HSD17B11: variants seen among roughly 807,000 people sequenced by gnomAD.
HSD17B11 encodes estradiol 17-beta-dehydrogenase 11.
Under a neutral mutation model 27.8 loss-of-function variants are expected in HSD17B11, and 22 were observed. That is an observed-to-expected ratio of 0.79 (90% CI 0.56 to 1.13). The LOEUF (loss-of-function observed/expected upper bound fraction) is 1.13, where lower values mean the gene tolerates loss of function less well. HSD17B11 is among the 50% of genes most tolerant of loss of function. The pLI, the probability that HSD17B11 is intolerant of heterozygous loss-of-function variation, is 0.00. For synonymous variants in HSD17B11, 117 were observed against 132.8 expected (o/e 0.88, Z 0.82); for missense variants, 314 against 351.1 (o/e 0.89, Z 0.84).
intron 1 of HSD17B11, 139 bp from the exon 2 acceptor site, chr4:87,382,501 T>G: frequency 1.8e-6 from 1 of 548,696 alleles, no homozygotes; most frequent in Non-Finnish European, 3.2e-6. Context: ...AACAACACAT[T>G]TTTGGCAGGT....
At chr4:87,340,460 C>T in intron 6 of HSD17B11, 30 bp downstream of exon 6, 1 of 1,377,754 alleles carries the variant, frequency 7.3e-7, no homozygotes, top group South Asian at 1.3e-5. Context: ...TTTTACCTTT[C>T]ATTTCTAAGG....
At chr4:87,375,180 T>C (rs561369116) in intron 2 of HSD17B11, among the ~76,000 whole-genome samples, 162 of 152,364 alleles carry the variant, frequency 1.1e-3, no homozygotes, top group Non-Finnish European at 2.0e-3. Context: ...ATTACAGGCA[T>C]GAGTCACTGT....
At chr4:87,344,875 A>C (rs1735240303) in intron 5 of HSD17B11, among the ~76,000 whole-genome samples, 1 of 152,234 alleles carries the variant, frequency 6.6e-6, no homozygotes, top group South Asian at 2.1e-4. Context: ...ACAGAAATTA[A>C]ACAGTACCCC....
At chr4:87,368,189 C>T (rs1012843796) in intron 4 of HSD17B11, among the ~76,000 whole-genome samples, 1 of 152,044 alleles carries the variant, frequency 6.6e-6, no homozygotes, top group African/African-American at 2.4e-5. Flanking sequence ...TGGTGGCGGG[C>T]ACCTGTAGTC....
At chr4:87,390,378 G>A (rs1169515784) in intron 1 of HSD17B11, among the ~76,000 whole-genome samples, 3 of 152,182 alleles carry the variant, frequency 2.0e-5, no homozygotes, top group African/African-American at 7.2e-5. Context: ...GGATGGTCTC[G>A]ATCTCCTGAC....
chr4:87,390,797 G>T, intron 1 of HSD17B11, 64 bp downstream of exon 1: 1 of 1,466,894 alleles, frequency 6.8e-7, no homozygotes, highest in Non-Finnish European at 9.5e-7. Flanking sequence ...GTGGTTGCCA[G>T]CAAAATGCAG....
intron 4 of HSD17B11, among the ~76,000 whole-genome samples, chr4:87,361,858 A>C (rs151041046): frequency 0.028 from 4,196 of 152,276 alleles, 72 homozygotes; most frequent in Middle Eastern, 0.065. Flanking sequence ...TGGGGTCTGG[A>C]TCGGGACCCC....
intron 2 of HSD17B11, among the ~76,000 whole-genome samples, chr4:87,375,764 G>C (rs974739571): frequency 2.6e-5 from 4 of 152,196 alleles, no homozygotes; most frequent in African/African-American, 9.7e-5. Flanking sequence ...TAAAACTAAT[G>C]TGGCAAAATC....
At chr4:87,357,093 C>T (rs1020235907) in intron 5 of HSD17B11, among the ~76,000 whole-genome samples, 186 bp downstream of exon 5, 2 of 152,204 alleles carry the variant, frequency 1.3e-5, no homozygotes, top group African/African-American at 4.8e-5. Context: ...TTTTTAGTCA[C>T]GCTCCCTTGC....
intron 5 of HSD17B11, among the ~76,000 whole-genome samples, chr4:87,357,046 A>C (rs1735399517): frequency 6.6e-6 from 1 of 152,240 alleles, no homozygotes; most frequent in Admixed American, 6.5e-5. Flanking sequence ...GAAAAAAGGA[A>C]GAGTTAGCAA....
intron 5 of HSD17B11, 111 bp downstream of exon 5, chr4:87,357,168 T>A: frequency 8.8e-7 from 1 of 1,138,672 alleles, no homozygotes; most frequent in Non-Finnish European, 1.2e-6. Flanking sequence ...CAAAATGAAC[T>A]AAGAGCTTTA....
intron 5 of HSD17B11, among the ~76,000 whole-genome samples, chr4:87,341,730 G>T (rs1405291737): frequency 1.3e-5 from 2 of 152,034 alleles, no homozygotes; most frequent in African/African-American, 4.8e-5. Flanking sequence ...GGCAAGAGTG[G>T]TGGTGCACTC....
chr4:87,357,340 T>C lies in HSD17B11; in HGVS notation c.634A>G (p.Lys212Glu). 6.2e-7 allele frequency: 1 copy of C among 1,613,642 alleles called. No homozygotes were observed. The highest frequency in any genetic ancestry group is 1.1e-5 in the South Asian group (1 of 90,862). ...ELAALQITGV[K>E]TTCLCPNFVN... ...AAATTAGGACACAGACATGTTGTTT[T>C]GACTCCAGTTATTTGTAAGGCAGCC... The change falls in exon 5 of 7, where the codon AAA (lysine) becomes GAA (glutamate). Residue 212 changes from lysine to glutamate, a missense_variant. By Grantham distance (56) the Lys-to-Glu change is moderately conservative. Coordinates refer to ENST00000358290, the MANE Select transcript of HSD17B11 (RefSeq NM_016245.5).
At position 87,379,702 on chromosome 4, in the gene HSD17B11, T is replaced by C. The variant is rs193289310; in HGVS notation, c.318+2553A>G. On this transcript the variant is annotated intron_variant, in intron 2 of 6. Transcript: ENST00000358290. ...AATATAGTATTAGTATACTATACTA[T>C]TATATTAGTATATAATAATAGTATA... 6.6e-3 allele frequency among the ~76,000 whole-genome samples: 950 copies of C among 144,576 alleles called. 12 individuals carry two copies. Among genetic ancestry groups the C allele is most frequent in the African/African-American group, 0.023 (928 of 39,732 alleles). The allele number at this position is 144,576 out of a possible 152,430, so 94.8% of individuals were successfully genotyped here.
At chr4:87,374,936 C>T in intron 2 of HSD17B11, 106 bp from the exon 3 acceptor site, 2 of 833,116 alleles carry the variant, frequency 2.4e-6, no homozygotes, top group South Asian at 1.8e-5. Context: ...CTCTGTTGCC[C>T]AGGCTGCAGT....
chr4:87,370,956 G>T (rs1214858098), intron 4 of HSD17B11, among the ~76,000 whole-genome samples: 1 of 125,470 alleles, frequency 8.0e-6, no homozygotes, highest in Non-Finnish European at 1.6e-5. Flanking sequence ...GTTTCACCGT[G>T]TTAGCCAGGA....
chr4:87,380,069 C>G (rs972564231), intron 2 of HSD17B11, among the ~76,000 whole-genome samples: 8 of 146,800 alleles, frequency 5.4e-5, no homozygotes, highest in African/African-American at 2.0e-4. Flanking sequence ...CAAGATCACG[C>G]CACTACACTC....
chr4:87,353,777 A>G (rs1735329637), intron 5 of HSD17B11, among the ~76,000 whole-genome samples: 1 of 152,148 alleles, frequency 6.6e-6, no homozygotes, highest in South Asian at 2.1e-4. Context: ...TGAAAATAGG[A>G]TGTCTGTTTT....
chr4:87,337,098 T>C lies in HSD17B11; in HGVS notation c.*178A>G, dbSNP rs966349567. 5 of 624,292 alleles carry C rather than the reference T, an allele frequency of 8.0e-6. No individual in the cohort carries two copies. The highest frequency in any genetic ancestry group is 7.5e-5 in the African/African-American group (4 of 53,088). 38.7% of individuals were successfully genotyped at this position (624,292 alleles called of 1,614,324 possible). ...AAGGTATTTCTCTGTTTATATCATA[T>C]GTAATCAGCTTTTGGCTAAAGAACA... On this transcript the variant is annotated 3_prime_UTR_variant, in exon 7 of 7. Transcript: ENST00000358290.
Sources: gnomAD v4.1 joint callset for allele counts (sites outside exome capture counted in the v4.1 genomes callset) on GRCh38, gnomAD v4.1.1 for gene constraint, MANE v1.5 for transcripts, NCBI Gene and HGNC (gene_info 2026-07-23, HGNC 2026-07-21) for gene names.